Variants in GBX1 observed in about 807,000 individuals in gnomAD.
GBX1 encodes the protein homeobox protein GBX-1.
GBX1 carries 9 observed loss-of-function variants against 22.9 expected under a neutral mutation model. The ratio of observed to expected loss-of-function variants is 0.39; its 90% CI spans 0.24 to 0.69. The LOEUF is 0.69. Ranked by LOEUF, GBX1 falls within the 30% of genes least tolerant of loss-of-function variation. The pLI is 0.43. For synonymous variants in GBX1, 203 were observed against 227.3 expected (o/e 0.89, Z 0.96); for missense variants, 494 against 509.2 (o/e 0.97, Z 0.29).
At position 151,148,673 on chromosome 7, in the gene GBX1, C is replaced by A; in HGVS notation, c.1008G>T (p.Lys336Asn). The A allele has an allele frequency of 6.2e-7, 1 of 1,614,150 alleles. No homozygotes were observed. Among genetic ancestry groups the A allele is most frequent in the Non-Finnish European group, 8.5e-7 (1 of 1,180,014 alleles). The change falls in exon 2 of 2, where the codon AAG becomes AAT. Residue 336 changes from lysine to asparagine, a missense_variant. Around this residue, in one of 3 missense-constraint regions of GBX1, gnomAD observed 124 missense variants for 152.0 expected, o/e 0.82. Coordinates refer to ENST00000297537, the MANE Select transcript of GBX1 (RefSeq NM_001098834.3). The surrounding 1 kb of genome is among the most constrained non-coding windows in gnomAD (Gnocchi z 5.1). ...SRSGEPVRNP[K>N]IVVPIPVHVN... ...CATGCACAGGTATGGGGACAACAAT[C>A]TTGGGGTTTCTTACGGGCTCCCCAG...
intron 1 of GBX1, among the ~76,000 whole-genome samples, chr7:151,156,533 C>T (rs1028409981): frequency 6.6e-6 from 1 of 150,836 alleles, no homozygotes; most frequent in African/African-American, 2.4e-5. Flanking sequence ...TTAAAATTGT[C>T]ATCAGAGACG....
At chr7:151,152,645 G>A (rs553211108) in intron 1 of GBX1, among the ~76,000 whole-genome samples, 76 of 152,282 alleles carry the variant, frequency 5.0e-4, no homozygotes, top group African/African-American at 1.7e-3. Context: ...CACCCAGGGG[G>A]TGTCCAATAA....
At position 151,167,593 on chromosome 7, in the gene GBX1, C is replaced by A; in HGVS notation, c.-45G>T. On this transcript the variant is annotated 5_prime_UTR_variant, in exon 1 of 2. Transcript: ENST00000297537. This position sits in a 1 kb window ranked among gnomAD's most constrained non-coding sequence, Gnocchi z 5.9. The stretch of plus-strand genomic sequence containing the variant: ...GCCCCGGGGCGCTCCTCTCTGGGCG[C>A]CTCCGTGCGCCCCGCGGCTCGGGCG... 1 of 1,284,914 alleles carries A rather than the reference C, an allele frequency of 7.8e-7. No homozygotes were observed. Among genetic ancestry groups the A allele is most frequent in the Non-Finnish European group, 9.8e-7 (1 of 1,023,172 alleles). The allele number at this position is 1,284,914 out of a possible 1,614,324, so 79.6% of individuals were successfully genotyped here.
At chr7:151,153,992 C>G (rs1018497558) in intron 1 of GBX1, among the ~76,000 whole-genome samples, 1 of 152,170 alleles carries the variant, frequency 6.6e-6, no homozygotes, top group African/African-American at 2.4e-5. Context: ...AATCCCAGCA[C>G]TTTGGGAGAC....
chr7:151,164,107 A>G (rs999218482), intron 1 of GBX1, among the ~76,000 whole-genome samples: 27 of 152,360 alleles, frequency 1.8e-4, no homozygotes, highest in Non-Finnish European at 2.8e-4. Flanking sequence ...TGGCCTATCT[A>G]CACTATGATT....
At chr7:151,150,098 AAAG>A (rs1373300437) in intron 1 of GBX1, 2 of 351,372 alleles carry the variant, frequency 5.7e-6, no homozygotes, top group African/African-American at 4.4e-5. Context: ...AAAGGGTAAA[AAAG>A]AAATTTTGAT....
chr7:151,160,937 C>T (rs1801182554), intron 1 of GBX1, among the ~76,000 whole-genome samples: 1 of 152,178 alleles, frequency 6.6e-6, no homozygotes, highest in Non-Finnish European at 1.5e-5. Context: ...TACCCCAGCA[C>T]AGGGCATTTC....
intron 1 of GBX1, among the ~76,000 whole-genome samples, chr7:151,157,397 C>T (rs981449453): frequency 6.6e-6 from 1 of 152,208 alleles, no homozygotes; most frequent in African/African-American, 2.4e-5. Context: ...GTATAGGTAT[C>T]AGAGCAAACA....
Position 151,149,936 on chromosome 7 carries a change from C to T in GBX1, c.539-794G>A, listed in dbSNP as rs144875760. 4.1e-3 allele frequency: 1,878 copies of T among 456,044 alleles called. 3 individuals are homozygous for T. The highest frequency in any genetic ancestry group is 6.8e-3 in the Non-Finnish European group (1,547 of 226,770). The allele number at this position is 456,044 out of a possible 1,614,324, so 28.2% of individuals were successfully genotyped here. A position where few individuals can be genotyped will look rare whatever the true frequency, so the allele number is the denominator to read the frequency against. On this transcript the variant is annotated intron_variant, in intron 1 of 1. Coordinates refer to ENST00000297537, the MANE Select transcript of GBX1 (RefSeq NM_001098834.3). Reference sequence around the variant, plus strand: ...CTTTCCCACCTTCCCCTTTCCCCAGCCAAGGATGCCTGAGCAGCACAAACA... The same window carrying T: ...CTTTCCCACCTTCCCCTTTCCCCAGTCAAGGATGCCTGAGCAGCACAAACA...
intron 1 of GBX1, among the ~76,000 whole-genome samples, chr7:151,165,742 G>A (rs1006981155): frequency 1.3e-5 from 2 of 152,292 alleles, no homozygotes; most frequent in Non-Finnish European, 2.9e-5. Context: ...ATGCCAGGGC[G>A]AAAGGAGAAA....
chr7:151,160,362 C>T (rs888001316), intron 1 of GBX1, among the ~76,000 whole-genome samples: 1 of 152,230 alleles, frequency 6.6e-6, no homozygotes, highest in Non-Finnish European at 1.5e-5. Flanking sequence ...TACTTCTCTT[C>T]CCACTGTTCC....
intron 1 of GBX1, among the ~76,000 whole-genome samples, chr7:151,164,727 G>A (rs1313994836): frequency 6.9e-6 from 1 of 144,944 alleles, no homozygotes; most frequent in African/African-American, 2.6e-5. Context: ...CATTATTCTT[G>A]GCAAAAAAAA....
At chr7:151,166,298 AT>A (rs2150551517) in intron 1 of GBX1, among the ~76,000 whole-genome samples, 1 of 152,024 alleles carries the variant, frequency 6.6e-6, no homozygotes, top group Non-Finnish European at 1.5e-5. Context: ...TGCACCCTAG[AT>A]CTTTGGGCCA....
rs1186980880 is a variant in GBX1, at chr7:151,158,583, G to T, written c.538+8428C>A. Among the ~76,000 whole-genome samples, 3 of 151,870 alleles carry T rather than the reference G, an allele frequency of 2.0e-5. No homozygotes were observed. In the East Asian group the frequency reaches 5.8e-4, roughly 29 times the overall value. The stretch of plus-strand genomic sequence containing the variant: ...TGTGAGACAGGGAAACCGAAAAGAG[G>T]GAGAAAGAGCCAAAGACACATGTGA... On this transcript the variant is annotated intron_variant, in intron 1 of 1. Coordinates refer to ENST00000297537, the MANE Select transcript of GBX1 (RefSeq NM_001098834.3).
chr7:151,153,662 C>T (rs918434590), intron 1 of GBX1, among the ~76,000 whole-genome samples: 6 of 151,996 alleles, frequency 3.9e-5, no homozygotes, highest in Non-Finnish European at 7.4e-5. Flanking sequence ...ATCCTCCTGC[C>T]TCAGCCTCCC....
At chr7:151,163,534 A>G (rs767866) in intron 1 of GBX1, among the ~76,000 whole-genome samples, 41,792 of 152,122 alleles carry the variant, frequency 0.27, 6,112 homozygotes, top group African/African-American at 0.37. Context: ...AGTGTAAAAT[A>G]ACACTGGAGT....
Position 151,167,555 on chromosome 7 carries a change from C to T in GBX1, c.-7G>A. On this transcript the variant is annotated 5_prime_UTR_variant, in exon 1 of 2. Transcript: ENST00000297537. The surrounding 1 kb of genome is among the most constrained non-coding windows in gnomAD (Gnocchi z 5.9). ...CGCCTCCGGCCCGCTGCATCTTGTT[C>T]GGAGCTGCGGCCGCCCCGGGGCGCT... 7.0e-7 allele frequency: 1 copy of T among 1,424,224 alleles called. No individual in the cohort carries two copies. Among genetic ancestry groups the T allele is most frequent in the East Asian group, 3.1e-5 (1 of 32,628 alleles). 88.2% of individuals were successfully genotyped at this position (1,424,224 alleles called of 1,614,324 possible). A position where few individuals can be genotyped will look rare whatever the true frequency, so the allele number is the denominator to read the frequency against.
chr7:151,148,729 G>C lies in GBX1; in HGVS notation c.952C>G (p.Arg318Gly), dbSNP rs368877994. Residue 318 changes from arginine to glycine, a missense_variant, in exon 2 of 2, where the codon CGC (arginine) becomes GGC (glycine). Arg to Gly is a moderately radical substitution (Grantham distance 125, BLOSUM62 -2). This residue lies in a region of GBX1 where 124 missense variants were observed against 152.0 expected (regional missense o/e 0.82). Transcript: ENST00000297537. This position sits in a 1 kb window ranked among gnomAD's most constrained non-coding sequence, Gnocchi z 5.1. ...WFQNRRAKWK[R>G]IKAGNVSSRS... ...CTGCTCACATTGCCAGCTTTGATGC[G>C]CTTCCACTTGGCCCGTCGATTCTGA... 13 of 1,613,998 alleles carry C rather than the reference G, an allele frequency of 8.1e-6. No homozygotes were observed. The African/African-American group carries it at 1.7e-4, about 22-fold the overall frequency.
intron 1 of GBX1, chr7:151,149,645 G>A (rs1438242169): frequency 1.4e-5 from 4 of 288,800 alleles, no homozygotes; most frequent in Non-Finnish European, 1.3e-5. Flanking sequence ...CAGAAGAACT[G>A]ACCTTGGCAG....
Sources: gnomAD v4.1 joint callset for allele counts (sites outside exome capture counted in the v4.1 genomes callset) on GRCh38, gnomAD v4.1.1 for gene constraint, gnomAD v4.1.1 regional missense constraint, Gnocchi (gnomAD v3.1) non-coding constraint, MANE v1.5 for transcripts, NCBI Gene and HGNC (gene_info 2026-07-23, HGNC 2026-07-21) for gene names.